Variants in RUFY1 observed in about 807,000 individuals in gnomAD.
RUFY1 encodes RUN and FYVE domain containing 1.
In RUFY1, 54 loss-of-function variants were observed where a neutral mutation model predicts 94.6. That is an observed-to-expected ratio of 0.57 (90% CI 0.46 to 0.72). The LOEUF is 0.72. RUFY1 is among the 30% of genes least tolerant of loss of function. The pLI, the probability that RUFY1 is intolerant of heterozygous loss-of-function variation, is 0.00. For synonymous variants in RUFY1, 396 were observed against 347.3 expected, an observed-to-expected ratio of 1.14 and a Z score of -1.56; for missense variants, 883 against 883.9, an observed-to-expected ratio of 1.00 and a Z score of 0.01.
intron 12 of RUFY1, 180 bp from the exon 13 acceptor site, chr5:179,596,380 GTT>G: frequency 2.6e-6 from 2 of 778,136 alleles, no homozygotes; most frequent in South Asian, 3.1e-5. Flanking sequence ...GAGGTGGGGA[GTT>G]TTGGGAGTGG....
At chr5:179,580,619 G>C (rs189850973) in intron 6 of RUFY1, among the ~76,000 whole-genome samples, 2 of 151,332 alleles carry the variant, frequency 1.3e-5, no homozygotes, top group East Asian at 1.9e-4. Context: ...GAAAAGTCCC[G>C]TGCGCTCCTT....
rs1474222311 is a variant in RUFY1, at chr5:179,603,575, G to A, written c.1856+1589G>A. On this transcript the variant is annotated intron_variant, in intron 15 of 17. Transcript: ENST00000319449. The stretch of plus-strand genomic sequence containing the variant: ...GTCTGTCCCCATGCTCAGAGCATAG[G>A]CCAGCTGTGAGGGCATCCCGAGAGC... The A allele has an allele frequency of 3.3e-5, 5 of 152,402 alleles. No individual in the cohort carries two copies. The East Asian group carries it at 9.6e-4, about 29-fold the overall frequency. 9.4% of individuals were successfully genotyped at this position (152,402 alleles called of 1,614,324 possible).
In RUFY1 at chr5:179,560,494, C is replaced by T. The variant is rs568960714; in HGVS notation, c.484+296C>T. On this transcript the variant is annotated intron_variant, in intron 2 of 17. Transcript: ENST00000319449. ...CAGCACTTTGGGAGGCCAAGGCGGG[C>T]GGATCACGAGGTCAGGATATCGAGA... Among the ~76,000 whole-genome samples the T allele has an allele frequency of 4.7e-5, 7 of 150,342 alleles. No individual in the cohort carries two copies. In the East Asian group the frequency reaches 6.0e-4, roughly 13 times the overall value.
Position 179,585,863 on chromosome 5 carries a change from G to A in RUFY1, c.1024G>A (p.Glu342Lys), listed in dbSNP as rs1211099681. Residue 342 changes from glutamate (E) to lysine (K), a missense_variant and splice_region_variant, in exon 8 of 18, where the codon GAG (glutamate) becomes AAG (lysine). Glu to Lys is a moderately conservative substitution (Grantham distance 56). Transcript: ENST00000319449. ...LEKTNSKLQE[E>K]LSAATDRICS... The stretch of plus-strand genomic sequence containing the variant: ...AAAGACTAACTCAAAGCTTCAAGAA[G>A]AGGTTTGTAAGTTTTATTGAAATTT... The A allele has an allele frequency of 1.9e-6, 3 of 1,612,174 alleles. No individual in the cohort carries two copies. The South Asian group carries it at 3.3e-5, about 18-fold the overall frequency.
At chr5:179,551,404 T>G (rs1761842182) in intron 1 of RUFY1, among the ~76,000 whole-genome samples, 1 of 152,270 alleles carries the variant, frequency 6.6e-6, no homozygotes, top group Non-Finnish European at 1.5e-5. Flanking sequence ...AAGAGTTAAG[T>G]AACTTAGCCC....
intron 1 of RUFY1, among the ~76,000 whole-genome samples, chr5:179,557,840 G>T (rs1581417993): frequency 1.3e-5 from 2 of 152,194 alleles, no homozygotes; most frequent in East Asian, 3.9e-4. Context: ...GCAGTAAAAG[G>T]CTGGTCTTCA....
At chr5:179,604,564 G>A (rs918821961) in intron 15 of RUFY1, among the ~76,000 whole-genome samples, 3 of 152,174 alleles carry the variant, frequency 2.0e-5, no homozygotes, top group African/African-American at 7.2e-5. Context: ...TTTTCTAAAT[G>A]CCCTGATGCT....
chr5:179,580,273 C>T (rs1223067739), intron 6 of RUFY1, among the ~76,000 whole-genome samples: 7 of 111,520 alleles, frequency 6.3e-5, no homozygotes, highest in Non-Finnish European at 1.2e-4. Flanking sequence ...GACGGAGTCT[C>T]GCTCTGTCGC....
At chr5:179,591,953 G>T (rs1221568717) in intron 10 of RUFY1, among the ~76,000 whole-genome samples, 1 of 151,888 alleles carries the variant, frequency 6.6e-6, no homozygotes, top group Non-Finnish European at 1.5e-5. Context: ...TGTTTGTTTG[G>T]GTTTTTTTTC....
intron 7 of RUFY1, among the ~76,000 whole-genome samples, chr5:179,581,498 C>T (rs1764158384): frequency 6.9e-6 from 1 of 145,022 alleles, no homozygotes; most frequent in African/African-American, 2.6e-5. Flanking sequence ...AACACTAATC[C>T]TTGGAGGTAT....
At chr5:179,577,003 G>A in intron 5 of RUFY1, 72 bp from the exon 6 acceptor site, 4 of 1,038,812 alleles carry the variant, frequency 3.9e-6, no homozygotes, top group Non-Finnish European at 6.0e-6. Flanking sequence ...TGAAATACCT[G>A]AATTTCAAAG....
chr5:179,568,455 C>CA (rs1468028080), intron 4 of RUFY1, among the ~76,000 whole-genome samples: 1 of 152,174 alleles, frequency 6.6e-6, no homozygotes, highest in African/African-American at 2.4e-5. Flanking sequence ...CCAAGCCTTT[C>CA]AGTGTTTTCA....
At position 179,550,687 on chromosome 5, in the gene RUFY1, G is replaced by A. The variant is rs1179021991; in HGVS notation, c.118G>A (p.Asp40Asn). ...GCCGGGAGAAGAGTTTGAGATCGTG[G>A]ACCGAAGCCAGCTGCCCGGCCCAGG... is the stretch of plus-strand genomic sequence containing the variant. ...LEPGEEFEIV[D>N]RSQLPGPGDL... Residue 40 changes from aspartate (D) to asparagine (N), a missense_variant, in exon 1 of 18, where the codon GAC becomes AAC. By Grantham distance (23) the Asp-to-Asn change is conservative (BLOSUM62 1). Coordinates refer to ENST00000319449, the MANE Select transcript of RUFY1 (RefSeq NM_025158.5). 1.3e-6 allele frequency: 2 copies of A among 1,498,734 alleles called. No individual in the cohort carries two copies. Among genetic ancestry groups the A allele is most frequent in the Non-Finnish European group, 1.8e-6 (2 of 1,130,060 alleles). 92.8% of individuals were successfully genotyped at this position (1,498,734 alleles called of 1,614,324 possible). A position where few individuals can be genotyped will look rare whatever the true frequency, so the allele number is the denominator to read the frequency against.
chr5:179,609,338 C>T (rs1441831916), intron 17 of RUFY1, 38 bp from the exon 18 acceptor site: 6 of 1,602,638 alleles, frequency 3.7e-6, no homozygotes, highest in Non-Finnish European at 5.1e-6. Context: ...ATGGCTTTTC[C>T]CCGGGTGTCC....
chr5:179,603,505 C>A (rs1169659777), intron 15 of RUFY1: 1 of 151,346 alleles, frequency 6.6e-6, no homozygotes, highest in Admixed American at 6.6e-5. Context: ...CTGGCCCGTT[C>A]CTTCCCAACC....
chr5:179,608,561 C>T, intron 17 of RUFY1: 1 of 985,536 alleles, frequency 1.0e-6, no homozygotes, highest in East Asian at 1.1e-4. Context: ...ACGAACCAGA[C>T]TCTTCCTGTA....
chr5:179,606,326 A>G (rs1767076692), intron 16 of RUFY1: 1 of 208,684 alleles, frequency 4.8e-6, no homozygotes, highest in Non-Finnish European at 9.5e-6. Flanking sequence ...GCTAGGGACC[A>G]CTCAAGCCAA....
At chr5:179,599,112 G>T (rs768509620) in intron 14 of RUFY1, among the ~76,000 whole-genome samples, 14 of 152,238 alleles carry the variant, frequency 9.2e-5, no homozygotes, top group Non-Finnish European at 1.6e-4. Context: ...GTGAGCAGAG[G>T]CTCCAGTGAG....
intron 5 of RUFY1, among the ~76,000 whole-genome samples, chr5:179,569,962 T>G (rs1288850042): frequency 6.6e-6 from 1 of 152,152 alleles, no homozygotes. Flanking sequence ...GCCAGGATGG[T>G]TTCGATCTCC....
Sources: gnomAD v4.1 joint callset for allele counts (sites outside exome capture counted in the v4.1 genomes callset) on GRCh38, gnomAD v4.1.1 for gene constraint, MANE v1.5 for transcripts, NCBI Gene and HGNC (gene_info 2026-07-23, HGNC 2026-07-21) for gene names.